The following ATF1 variants were observed in gnomAD, a reference collection of about 807,000 sequenced individuals.
ATF1 encodes activating transcription factor 1.
ATF1 carries 16 observed loss-of-function variants against 34.7 expected under a neutral mutation model. That is an observed-to-expected ratio of 0.46 (90% CI 0.31 to 0.70). The LOEUF (loss-of-function observed/expected upper bound fraction) is 0.70, where lower values mean the gene tolerates loss of function less well. ATF1 is among the 30% of genes least tolerant of loss of function. The pLI is 0.05. For synonymous variants in ATF1, 105 were observed against 113.1 expected (o/e 0.93, Z 0.46); for missense variants, 255 against 321.6 (o/e 0.79, Z 1.58).
intron 1 of ATF1, among the ~76,000 whole-genome samples, chr12:50,771,616 G>A (rs922007299): frequency 6.6e-6 from 1 of 152,076 alleles, no homozygotes; most frequent in Non-Finnish European, 1.5e-5. Context: ...TGTCAGAGGC[G>A]TATGAACCAG....
At chr12:50,773,313 T>C (rs991661926) in intron 1 of ATF1, among the ~76,000 whole-genome samples, 1 of 152,204 alleles carries the variant, frequency 6.6e-6, no homozygotes, top group Non-Finnish European at 1.5e-5. Context: ...ATGGTATTTC[T>C]ACCTGTAGGT....
At chr12:50,767,397 G>A (rs1413278481) in intron 1 of ATF1, among the ~76,000 whole-genome samples, 1 of 152,172 alleles carries the variant, frequency 6.6e-6, no homozygotes, top group Non-Finnish European at 1.5e-5. Context: ...GCGTGCGCCT[G>A]TAGTCCCAGC....
At chr12:50,770,863 T>TG (rs1319672845) in intron 1 of ATF1, among the ~76,000 whole-genome samples, 1 of 152,248 alleles carries the variant, frequency 6.6e-6, no homozygotes, top group African/African-American at 2.4e-5. Context: ...TTTAAAAATC[T>TG]GGATCAGTAT....
At position 50,795,906 on chromosome 12, in the gene ATF1, T is replaced by C; in HGVS notation, c.94-3T>C. ...CATCATGTTAATGCCAGTTCTTTTT[T>C]AGGTATCATCTTTATCAGAAAGTGA... On this transcript the variant is annotated splice_polypyrimidine_tract_variant and splice_region_variant and intron_variant, in intron 2 of 6. Transcript: ENST00000262053. 1.9e-6 allele frequency: 3 copies of C among 1,608,406 alleles called. No individual in the cohort carries two copies. The highest frequency in any genetic ancestry group is 2.5e-6 in the Non-Finnish European group (3 of 1,176,536).
At chr12:50,783,764 A>T (rs537193794) in intron 2 of ATF1, among the ~76,000 whole-genome samples, 181 of 150,930 alleles carry the variant, frequency 1.2e-3, no homozygotes, top group African/African-American at 4.1e-3. Flanking sequence ...GCTACTCGGG[A>T]GGCTGGGATA....
At chr12:50,782,398 G>A (rs1377615586) in intron 2 of ATF1, among the ~76,000 whole-genome samples, 1 of 151,798 alleles carries the variant, frequency 6.6e-6, no homozygotes, top group Non-Finnish European at 1.5e-5. Context: ...TGGGACTACA[G>A]GCGCCCGCCA....
intron 2 of ATF1, among the ~76,000 whole-genome samples, chr12:50,787,617 C>G (rs906112093): frequency 2.0e-5 from 3 of 151,978 alleles, no homozygotes; most frequent in African/African-American, 7.3e-5. Context: ...GGTGCACACC[C>G]TGTGGTCCCA....
intron 1 of ATF1, among the ~76,000 whole-genome samples, chr12:50,764,840 G>C (rs1275399077): frequency 4.6e-5 from 7 of 152,260 alleles, no homozygotes; most frequent in Non-Finnish European, 5.9e-5. Flanking sequence ...CACGGGCATT[G>C]CGCACGCCCC....
chr12:50,775,077 A>G (rs1307247325), intron 1 of ATF1, among the ~76,000 whole-genome samples: 1 of 151,334 alleles, frequency 6.6e-6, no homozygotes, highest in Non-Finnish European at 1.5e-5. Context: ...TTCTTCATGT[A>G]TACAATAATG....
chr12:50,791,998 C>T (rs994903244), intron 2 of ATF1, among the ~76,000 whole-genome samples: 16 of 152,044 alleles, frequency 1.1e-4, no homozygotes, highest in African/African-American at 3.9e-4. Context: ...AGTTTTCAAC[C>T]ATATCTCTTC....
intron 4 of ATF1, among the ~76,000 whole-genome samples, chr12:50,812,726 AG>A (rs1206298194): frequency 6.6e-6 from 1 of 152,036 alleles, no homozygotes; most frequent in Non-Finnish European, 1.5e-5. Flanking sequence ...TGGGAGGCTG[AG>A]GTAGGAGGAT....
intron 1 of ATF1, among the ~76,000 whole-genome samples, chr12:50,770,692 GAA>G (rs1171023964): frequency 6.6e-6 from 1 of 152,226 alleles, no homozygotes; most frequent in Non-Finnish European, 1.5e-5. Flanking sequence ...ACTGGAGAGA[GAA>G]ATACTATGTT....
Position 50,796,021 on chromosome 12 carries a change from CT to C in ATF1, c.194+14del, listed in dbSNP as rs761643165. 1 of 1,581,710 alleles carries C rather than the reference CT, an allele frequency of 6.3e-7. No individual in the cohort carries two copies. Among genetic ancestry groups the C allele is most frequent in the Non-Finnish European group, 8.6e-7 (1 of 1,161,152 alleles). On this transcript the variant is annotated intron_variant, in intron 3 of 6. Transcript: ENST00000262053. ...CGCCCATCTTACAGGTGAGTACTCT[CT>C]TGTATGAAGCCCTGCATGTTATGAT... is the stretch of plus-strand genomic sequence containing the variant.
intron 3 of ATF1, among the ~76,000 whole-genome samples, chr12:50,806,056 C>T (rs1342520396): frequency 2.0e-5 from 3 of 151,248 alleles, no homozygotes; most frequent in Non-Finnish European, 4.4e-5. Context: ...GAGGCTGAGG[C>T]AGGAGAATTG....
intron 2 of ATF1, among the ~76,000 whole-genome samples, chr12:50,793,732 A>G (rs928545947): frequency 6.6e-6 from 1 of 151,828 alleles, no homozygotes; most frequent in African/African-American, 2.4e-5. Flanking sequence ...GGTTATGACT[A>G]ATTCTTTTCT....
At chr12:50,808,662 T>A (rs1941667675) in intron 3 of ATF1, among the ~76,000 whole-genome samples, 1 of 151,956 alleles carries the variant, frequency 6.6e-6, no homozygotes, top group African/African-American at 2.4e-5. Context: ...GTAATCAGCC[T>A]GGAGCACATC....
intron 2 of ATF1, among the ~76,000 whole-genome samples, chr12:50,788,989 T>C (rs1392007695): frequency 1.3e-5 from 2 of 152,190 alleles, no homozygotes; most frequent in Non-Finnish European, 2.9e-5. Context: ...AGGAAATACA[T>C]GTGTTAGATA....
chr12:50,792,484 G>A (rs1941326212), intron 2 of ATF1, among the ~76,000 whole-genome samples: 1 of 152,184 alleles, frequency 6.6e-6, no homozygotes, highest in Admixed American at 6.5e-5. Flanking sequence ...CATCCAGACA[G>A]CCCAGTCTTC....
At chr12:50,788,222 A>C in intron 2 of ATF1, 1 of 452,702 alleles carries the variant, frequency 2.2e-6, no homozygotes, top group Non-Finnish European at 4.4e-6. Flanking sequence ...TCACTCTGTC[A>C]CCCAGACTGG....
Sources: gnomAD v4.1 joint callset for allele counts (sites outside exome capture counted in the v4.1 genomes callset) on GRCh38, gnomAD v4.1.1 for gene constraint, MANE v1.5 for transcripts, NCBI Gene and HGNC (gene_info 2026-07-23, HGNC 2026-07-21) for gene names.